The following BABAM2 variants were observed in gnomAD, a reference collection of about 807,000 sequenced individuals.
BABAM2 encodes the protein BRISC and BRCA1 A complex member 2.
BABAM2 carries 31 observed loss-of-function variants against 54.7 expected under a neutral mutation model. That is an observed-to-expected ratio of 0.57 (90% confidence interval 0.43 to 0.77). BABAM2 has a LOEUF of 0.77. Among genes scored for constraint, BABAM2 ranks in the 30% least tolerant of loss-of-function variants. The probability of loss-of-function intolerance (pLI) is 0.00; values close to 1 mark genes in which losing one functional copy is unlikely to be tolerated. For missense variants in BABAM2, 364 were observed against 455.8 expected, an observed-to-expected ratio of 0.80 and a Z score of 1.83; for synonymous variants, 167 against 162.9, an observed-to-expected ratio of 1.03 and a Z score of -0.19.
At chr2:28,061,744 C>A (rs1429176479) in intron 6 of BABAM2, among the ~76,000 whole-genome samples, 2 of 151,720 alleles carry the variant, frequency 1.3e-5, no homozygotes, top group Admixed American at 1.3e-4. Context: ...TATACAACTT[C>A]TAGAAGAAAA....
At chr2:28,217,975 G>T (rs1680067129) in intron 7 of BABAM2, among the ~76,000 whole-genome samples, 1 of 152,144 alleles carries the variant, frequency 6.6e-6, no homozygotes, top group Non-Finnish European at 1.5e-5. Flanking sequence ...GGATTTTTGT[G>T]TAACTTTTTA....
intron 10 of BABAM2, among the ~76,000 whole-genome samples, chr2:28,261,253 A>C (rs1684499691): frequency 6.6e-6 from 1 of 151,452 alleles, no homozygotes; most frequent in Admixed American, 6.6e-5. Flanking sequence ...AAAAATTTTC[A>C]TTTTCAAATT....
chr2:27,907,432 AT>A (rs1335858408), intron 2 of BABAM2, among the ~76,000 whole-genome samples: 4 of 152,062 alleles, frequency 2.6e-5, no homozygotes, highest in African/African-American at 9.7e-5. Flanking sequence ...TGAATTTTTC[AT>A]TTAAAAAACA....
chr2:28,116,419 T>C (rs1254566703), intron 6 of BABAM2, among the ~76,000 whole-genome samples: 1 of 152,248 alleles, frequency 6.6e-6, no homozygotes, highest in Non-Finnish European at 1.5e-5. Flanking sequence ...TGGTTTGTGA[T>C]GGTCTCCAGT....
upstream of BABAM2, among the ~76,000 whole-genome samples, chr2:27,889,122 C>CT (rs1325579942): frequency 6.6e-6 from 1 of 152,220 alleles, no homozygotes; most frequent in Non-Finnish European, 1.5e-5. Context: ...AGTCTCTTCT[C>CT]TAACTCCCAC....
intron 10 of BABAM2, among the ~76,000 whole-genome samples, chr2:28,295,895 G>A (rs915718079): frequency 2.6e-5 from 4 of 152,118 alleles, no homozygotes; most frequent in African/African-American, 9.6e-5. Flanking sequence ...ATCATCTGAG[G>A]TCAGGAGTTC....
intron 10 of BABAM2, among the ~76,000 whole-genome samples, chr2:28,256,654 T>C (rs1221139709): frequency 6.6e-6 from 1 of 151,884 alleles, no homozygotes; most frequent in Non-Finnish European, 1.5e-5. Context: ...TTCCTTAAAA[T>C]TCAATTAAGT....
intron 3 of BABAM2, among the ~76,000 whole-genome samples, chr2:27,982,053 G>A (rs977630074): frequency 6.6e-6 from 1 of 152,226 alleles, no homozygotes; most frequent in Middle Eastern, 3.4e-3. Flanking sequence ...AGCCATCCAA[G>A]TGGGTAATTA....
chr2:28,335,367 G>A (rs1010796551), intron 11 of BABAM2, among the ~76,000 whole-genome samples: 12 of 151,920 alleles, frequency 7.9e-5, no homozygotes, highest in Non-Finnish European at 1.6e-4. Context: ...ACGGGGTTTC[G>A]CCATGTTGGC....
chr2:27,971,726 A>G (rs1410136008), intron 3 of BABAM2, among the ~76,000 whole-genome samples: 2 of 151,952 alleles, frequency 1.3e-5, no homozygotes, highest in Non-Finnish European at 2.9e-5. Context: ...CTATTTCATG[A>G]CAAGGATCAT....
At chr2:27,989,238 T>A (rs1672610926) in intron 4 of BABAM2, among the ~76,000 whole-genome samples, 1 of 152,130 alleles carries the variant, frequency 6.6e-6, no homozygotes, top group Admixed American at 6.5e-5. Context: ...ACCACAGACT[T>A]CTTCTGTATT....
At chr2:28,330,140 T>C (rs1190177816) in intron 11 of BABAM2, among the ~76,000 whole-genome samples, 4 of 152,200 alleles carry the variant, frequency 2.6e-5, no homozygotes, top group Non-Finnish European at 5.9e-5. Context: ...CATTCCTTCA[T>C]GTTAAAAACT....
At chr2:28,040,111 A>G (rs1017273716) in intron 5 of BABAM2, among the ~76,000 whole-genome samples, 1 of 151,936 alleles carries the variant, frequency 6.6e-6, no homozygotes, top group Non-Finnish European at 1.5e-5. Flanking sequence ...CAAATATAAA[A>G]CCACATGAAA....
intron 3 of BABAM2, among the ~76,000 whole-genome samples, chr2:27,946,910 T>C (rs1669339392): frequency 6.6e-6 from 1 of 152,222 alleles, no homozygotes; most frequent in African/African-American, 2.4e-5. Context: ...TCCTTATTCT[T>C]TTACTGCCTG....
intron 10 of BABAM2, among the ~76,000 whole-genome samples, chr2:28,266,431 C>T (rs1384848508): frequency 6.6e-6 from 1 of 152,238 alleles, no homozygotes; most frequent in Non-Finnish European, 1.5e-5. Context: ...AAAGGCTCAG[C>T]ACCTGCAGCT....
intron 2 of BABAM2, among the ~76,000 whole-genome samples, chr2:27,911,958 AC>A (rs1328232036): frequency 6.6e-6 from 1 of 152,104 alleles, no homozygotes; most frequent in Non-Finnish European, 1.5e-5. Flanking sequence ...CCTACACTAT[AC>A]CCACTAACCC....
At chr2:28,293,094 G>A (rs1033661854) in intron 10 of BABAM2, among the ~76,000 whole-genome samples, 11 of 152,262 alleles carry the variant, frequency 7.2e-5, no homozygotes, top group African/African-American at 2.2e-4. Flanking sequence ...GCTAGACTGC[G>A]AATTGTGACT....
At chr2:28,231,866 G>A (rs1319932458) in intron 7 of BABAM2, among the ~76,000 whole-genome samples, 1 of 132,586 alleles carries the variant, frequency 7.5e-6, no homozygotes, top group Non-Finnish European at 1.6e-5. Flanking sequence ...AGAGTGCAGT[G>A]GTATAAGCAT....
In BABAM2 at chr2:28,081,579, G is replaced by A. The variant is rs549980090; in HGVS notation, c.570+35780G>A. Among the ~76,000 whole-genome samples the A allele has an allele frequency of 1.7e-4, 26 of 152,290 alleles. No homozygotes were observed. In the South Asian group the frequency reaches 5.0e-3, roughly 29 times the overall value. On this transcript the variant is annotated intron_variant, in intron 6 of 11. Transcript: ENST00000379624. ...CACTAAAAGTGGTTATCAGGCTTTAGCACATCTTAAGAGTCTGCATTTCCA... is the reference window on the plus strand; with the variant it reads ...CACTAAAAGTGGTTATCAGGCTTTAACACATCTTAAGAGTCTGCATTTCCA...
Sources: gnomAD v4.1 joint callset for allele counts (sites outside exome capture counted in the v4.1 genomes callset) on GRCh38, gnomAD v4.1.1 for gene constraint, MANE v1.5 for transcripts, NCBI Gene and HGNC (gene_info 2026-07-23, HGNC 2026-07-21) for gene names.